CDH12: variants seen among roughly 807,000 people sequenced by gnomAD.
CDH12 encodes the protein cadherin-12.
In CDH12, 41 loss-of-function variants were observed where a neutral mutation model predicts 74.1. That is an observed-to-expected ratio of 0.55 (90% CI 0.43 to 0.72). The LOEUF (loss-of-function observed/expected upper bound fraction) is 0.72, where lower values mean the gene tolerates loss of function less well. CDH12 is among the 30% of genes least tolerant of loss of function. CDH12 has a pLI of 0.00. For missense variants in CDH12, 945 were observed against 977.2 expected (o/e 0.97, Z 0.44); for synonymous variants, 399 against 355.0 (o/e 1.12, Z -1.39).
intron 1 of CDH12, among the ~76,000 whole-genome samples, chr5:22,551,145 T>G (rs993720891): frequency 2.0e-5 from 3 of 152,090 alleles, no homozygotes; most frequent in Non-Finnish European, 4.4e-5. Context: ...CCTAATCCAA[T>G]AGGACTGGTG....
At chr5:22,626,388 T>C (rs1478897565) in intron 1 of CDH12, among the ~76,000 whole-genome samples, 2 of 152,072 alleles carry the variant, frequency 1.3e-5, no homozygotes, top group Non-Finnish European at 2.9e-5. Context: ...ACCTCTTAAA[T>C]GCAGTAGGTT....
intron 3 of CDH12, among the ~76,000 whole-genome samples, chr5:22,287,869 A>G (rs1737225326): frequency 6.6e-6 from 1 of 152,154 alleles, no homozygotes; most frequent in Non-Finnish European, 1.5e-5. Context: ...TATCAAGATG[A>G]TGCTTACTAA....
intron 1 of CDH12, among the ~76,000 whole-genome samples, chr5:22,707,627 A>G (rs1014934076): frequency 6.6e-6 from 1 of 152,198 alleles, no homozygotes; most frequent in Non-Finnish European, 1.5e-5. Flanking sequence ...GTGAGGAAAT[A>G]CATATTTTTA....
chr5:22,625,396 C>T (rs1394273875), intron 1 of CDH12, among the ~76,000 whole-genome samples: 5 of 152,132 alleles, frequency 3.3e-5, no homozygotes, highest in Admixed American at 2.6e-4. Context: ...ACACTAACCA[C>T]AGACCTCTGG....
chr5:22,233,830 G>C lies in CDH12; in HGVS notation c.-332-21187C>G, dbSNP rs560100702. ...ACAGAAGTTTAGTTGGCACTAAATT[G>C]GTTGACACTTTTATGTCCCATAGTC... On this transcript the variant is annotated intron_variant, in intron 3 of 14. Coordinates refer to ENST00000382254, the MANE Select transcript of CDH12 (RefSeq NM_004061.5). Among the ~76,000 whole-genome samples, 6 of 152,234 alleles carry C rather than the reference G, an allele frequency of 3.9e-5. No homozygotes were observed. The East Asian group carries it at 9.7e-4, about 24-fold the overall frequency.
intron 1 of CDH12, among the ~76,000 whole-genome samples, chr5:22,628,706 A>C (rs1355976511): frequency 1.3e-5 from 2 of 152,142 alleles, no homozygotes; most frequent in Admixed American, 1.3e-4. Context: ...AACAAGAATA[A>C]ACCAATGTCA....
At chr5:22,429,743 A>G (rs915269804) in intron 2 of CDH12, among the ~76,000 whole-genome samples, 14 of 152,190 alleles carry the variant, frequency 9.2e-5, no homozygotes, top group Non-Finnish European at 1.8e-4. Context: ...AGTTATTCCT[A>G]TCACAGTCTG....
intron 1 of CDH12, among the ~76,000 whole-genome samples, chr5:22,812,211 T>C (rs924913004): frequency 6.6e-6 from 1 of 152,164 alleles, no homozygotes; most frequent in South Asian, 2.1e-4. Flanking sequence ...ACTTAAAAGC[T>C]GAGGCTCTCC....
chr5:22,182,645 G>T (rs1395551581), intron 4 of CDH12, among the ~76,000 whole-genome samples: 2 of 152,168 alleles, frequency 1.3e-5, no homozygotes, highest in African/African-American at 2.4e-5. Context: ...TATTTTAGGA[G>T]GCTATATTAA....
intron 3 of CDH12, among the ~76,000 whole-genome samples, chr5:22,370,495 A>C (rs1741236810): frequency 1.3e-5 from 2 of 152,214 alleles, no homozygotes; most frequent in Admixed American, 1.3e-4. Context: ...CTTGAAAATA[A>C]TTTATAACAC....
intron 14 of CDH12, 56 bp downstream of exon 14, chr5:21,755,535 G>GA (rs1221599164): frequency 2.6e-6 from 4 of 1,521,262 alleles, no homozygotes; most frequent in Non-Finnish European, 1.8e-6. Context: ...AGAGAGAGGG[G>GA]AAAAAAAGGA....
chr5:22,567,163 G>A lies in CDH12; in HGVS notation c.-522-61799C>T, dbSNP rs146090747. Among the ~76,000 whole-genome samples, 137 of 152,144 alleles carry A rather than the reference G, an allele frequency of 9.0e-4. 1 individual carries two copies. The highest frequency in any genetic ancestry group is 3.2e-3 in the African/African-American group (131 of 41,530). On this transcript the variant is annotated intron_variant, in intron 1 of 14. Coordinates refer to ENST00000382254, the MANE Select transcript of CDH12 (RefSeq NM_004061.5). ...TCTTCAAGCTACTTATAGCAGCTACGCATCAAAGTAACTTCCTGAAAATGC... is the reference window on the plus strand; with the variant it reads ...TCTTCAAGCTACTTATAGCAGCTACACATCAAAGTAACTTCCTGAAAATGC...
At chr5:22,813,375 A>G (rs1224056479) in intron 1 of CDH12, among the ~76,000 whole-genome samples, 3 of 152,096 alleles carry the variant, frequency 2.0e-5, no homozygotes, top group African/African-American at 7.2e-5. Context: ...TACCCTACCT[A>G]TCATTTAGAA....
At chr5:22,705,068 T>A (rs1242843724) in intron 1 of CDH12, among the ~76,000 whole-genome samples, 1 of 150,486 alleles carries the variant, frequency 6.6e-6, no homozygotes, top group Non-Finnish European at 1.5e-5. Flanking sequence ...TGCGTGTTTG[T>A]GGGGGGAGTG....
chr5:22,597,945 A>G (rs139694796), intron 1 of CDH12, among the ~76,000 whole-genome samples: 1,618 of 152,324 alleles, frequency 0.011, 10 homozygotes, highest in Non-Finnish European at 0.015. Flanking sequence ...GATATAGGTA[A>G]TATTTGATGA....
chr5:22,549,757 G>T (rs1410392593), intron 1 of CDH12, among the ~76,000 whole-genome samples: 1 of 152,110 alleles, frequency 6.6e-6, no homozygotes, highest in East Asian at 1.9e-4. Context: ...ATTGAATGTT[G>T]ATTTTTAGTT....
chr5:22,525,301 T>G (rs946635770), intron 1 of CDH12, among the ~76,000 whole-genome samples: 1 of 152,118 alleles, frequency 6.6e-6, no homozygotes, highest in African/African-American at 2.4e-5. Context: ...GCAGCACATC[T>G]CATATTTTAT....
In CDH12 at chr5:22,658,270, T is replaced by C. The variant is rs532763850; in HGVS notation, c.-522-152906A>G. ...GAAAAGACCAAAATGGATCTTACAG[T>C]GTTCATATAAAATACCCATATATAC... On this transcript the variant is annotated intron_variant, in intron 1 of 14. Transcript: ENST00000382254. Among the ~76,000 whole-genome samples, 217 of 152,204 alleles carry C rather than the reference T, an allele frequency of 1.4e-3. 1 individual carries two copies. Among genetic ancestry groups the C allele is most frequent in the Non-Finnish European group, 1.4e-3 (97 of 67,964 alleles).
At chr5:22,788,285 G>A (rs1458020624) in intron 1 of CDH12, among the ~76,000 whole-genome samples, 2 of 151,756 alleles carry the variant, frequency 1.3e-5, no homozygotes, top group Admixed American at 1.3e-4. Flanking sequence ...ATTTTAATGT[G>A]CTATAAATTT....
Sources: allele counts gnomAD v4.1 joint callset (sites outside exome capture counted in the v4.1 genomes callset), GRCh38; gene constraint gnomAD v4.1.1; transcripts MANE v1.5; gene names NCBI Gene and HGNC (gene_info 2026-07-23, HGNC 2026-07-21).